TREML4: variants seen among roughly 807,000 people sequenced by gnomAD.
TREML4 encodes the protein trem-like transcript 4 protein.
TREML4 carries 25 observed loss-of-function variants against 25.4 expected under a neutral mutation model. That is an observed-to-expected ratio of 0.98 (90% CI 0.72 to 1.37). The LOEUF (loss-of-function observed/expected upper bound fraction) is 1.37. Among genes scored for constraint, TREML4 ranks in the 40% most tolerant of loss-of-function variants. TREML4 has a pLI of 0.00. For synonymous variants in TREML4, 92 were observed against 87.9 expected, an observed-to-expected ratio of 1.05 and a Z score of -0.26; for missense variants, 268 against 236.5, an observed-to-expected ratio of 1.13 and a Z score of -0.87.
chr6:41,231,045 A>G, intron 4 of TREML4: 1 of 397,338 alleles, frequency 2.5e-6, no homozygotes, highest in Non-Finnish European at 5.1e-6. Context: ...TTGAATGGCT[A>G]ATGATCTGTC....
chr6:41,234,611 T>A lies in TREML4; in HGVS notation c.507-1875T>A, dbSNP rs79266196. On this transcript the variant is annotated intron_variant, in intron 4 of 5. Transcript: ENST00000341495. Reference sequence around the variant, plus strand: ...TAAAATAAATAAATCCTGAATAAAATCTTGTTGTTTTAAATCCTAGAAGCA... The same window carrying A: ...TAAAATAAATAAATCCTGAATAAAAACTTGTTGTTTTAAATCCTAGAAGCA... Among the ~76,000 whole-genome samples, 1,314 of 151,928 alleles carry A rather than the reference T, an allele frequency of 8.6e-3. 5 individuals carry two copies. Among genetic ancestry groups the A allele is most frequent in the Non-Finnish European group, 0.014 (980 of 67,880 alleles).
intron 4 of TREML4, among the ~76,000 whole-genome samples, chr6:41,233,440 T>C (rs1002652438): frequency 6.6e-6 from 1 of 152,208 alleles, no homozygotes; most frequent in African/African-American, 2.4e-5. Context: ...TCTGGCACTC[T>C]TAATATGGAA....
chr6:41,237,770 C>T lies in TREML4; in HGVS notation c.*751C>T, dbSNP rs1766931610. On this transcript the variant is annotated 3_prime_UTR_variant, in exon 6 of 6. Coordinates refer to ENST00000341495, the MANE Select transcript of TREML4 (RefSeq NM_198153.3). ...GAGCAGGCGACTCAGTGGCCCAAAA[C>T]AGGACCCAGAACATTCATCCGTAAA... 6.6e-6 allele frequency: 1 copy of T among 152,148 alleles called. No homozygotes were observed. The highest frequency in any genetic ancestry group is 1.5e-5 in the Non-Finnish European group (1 of 68,034). The allele number at this position is 152,148 out of a possible 1,614,324, so 9.4% of individuals were successfully genotyped here.
chr6:41,236,753 C>T (rs1766912429), intron 5 of TREML4, 136 bp downstream of exon 5: 1 of 573,826 alleles, frequency 1.7e-6, no homozygotes, highest in Non-Finnish European at 3.1e-6. Context: ...AAGTGTGTTT[C>T]CTTGCAATCT....
intron 4 of TREML4, among the ~76,000 whole-genome samples, chr6:41,230,822 A>G (rs6940349): frequency 0.88 from 133,570 of 152,180 alleles, 58,902 homozygotes; most frequent in East Asian, 0.95. Context: ...TAGGGCAGTG[A>G]TCCCCAAGCC....
chr6:41,235,980 G>A (rs900092043), intron 4 of TREML4, among the ~76,000 whole-genome samples: 1 of 151,960 alleles, frequency 6.6e-6, no homozygotes. Context: ...AGGCAGGCCA[G>A]GAGTGGGGGC....
intron 2 of TREML4, among the ~76,000 whole-genome samples, 171 bp from the exon 3 acceptor site, chr6:41,229,346 ACACT>A (rs1443506223): frequency 1.3e-5 from 2 of 152,020 alleles, no homozygotes; most frequent in Admixed American, 6.6e-5. Context: ...TTTCACACAC[ACACT>A]AACACACACA....
intron 3 of TREML4, 119 bp from the exon 4 acceptor site, chr6:41,229,943 G>C (rs2113937608): frequency 1.2e-6 from 1 of 846,422 alleles, no homozygotes; most frequent in Non-Finnish European, 2.0e-6. Flanking sequence ...CCCTTAGCCT[G>C]AGGGACCCTT....
chr6:41,236,368 A>G (rs1582119321), intron 4 of TREML4, 118 bp from the exon 5 acceptor site: 13 of 757,196 alleles, frequency 1.7e-5, no homozygotes, highest in Non-Finnish European at 2.3e-6. Context: ...GTCATCGTTC[A>G]GGGTGGGCCC....
At position 41,228,775 on chromosome 6, in the gene TREML4, A is replaced by G; in HGVS notation, c.125A>G (p.Tyr42Cys). 6.2e-7 allele frequency: 1 copy of G among 1,614,088 alleles called. No homozygotes were observed. Among genetic ancestry groups the G allele is most frequent in the South Asian group, 1.1e-5 (1 of 91,084 alleles). ...CAGACCCTCCTCCTGCAATGCCAGT[A>G]CTCACCCAAGAGAGGGCCCTATCAG... ...PGQTLLLQCQ[Y>C]SPKRGPYQPK... Residue 42 changes from tyrosine (Y) to cysteine (C), a missense_variant, in exon 2 of 6, where the codon TAC (tyrosine) becomes TGC (cysteine). Physicochemically the swap from Tyr to Cys is radical, Grantham distance 194. Transcript: ENST00000341495.
intron 4 of TREML4, among the ~76,000 whole-genome samples, chr6:41,233,666 C>T (rs1465368481): frequency 6.6e-6 from 1 of 152,008 alleles, no homozygotes; most frequent in East Asian, 1.9e-4. Context: ...TGGAGGTTCA[C>T]ATACCTCTCA....
intron 4 of TREML4, 40 bp from the exon 5 acceptor site, chr6:41,236,446 C>T (rs1388932063): frequency 1.3e-6 from 2 of 1,587,782 alleles, no homozygotes; most frequent in South Asian, 1.1e-5. Flanking sequence ...TGGTGACATC[C>T]TGGCCCAAGT....
chr6:41,232,140 G>A (rs182621922), intron 4 of TREML4, among the ~76,000 whole-genome samples: 22 of 152,302 alleles, frequency 1.4e-4, no homozygotes, highest in Admixed American at 1.3e-3. Flanking sequence ...TGTATCCAGT[G>A]TTTTGTATTC....
At chr6:41,229,072 C>A (rs1352772277) in intron 2 of TREML4, 28 bp downstream of exon 2, 1 of 1,576,576 alleles carries the variant, frequency 6.3e-7, no homozygotes, top group East Asian at 2.2e-5. Flanking sequence ...GGAAATACCT[C>A]TGTGCCACCC....
intron 4 of TREML4, 39 bp from the exon 5 acceptor site, chr6:41,236,447 T>C: frequency 1.3e-6 from 2 of 1,589,830 alleles, no homozygotes; most frequent in Non-Finnish European, 1.7e-6. Context: ...GGTGACATCC[T>C]GGCCCAAGTC....
At chr6:41,235,991 T>C (rs1766888813) in intron 4 of TREML4, among the ~76,000 whole-genome samples, 1 of 151,722 alleles carries the variant, frequency 6.6e-6, no homozygotes, top group Admixed American at 6.6e-5. Flanking sequence ...GAGTGGGGGC[T>C]ACACAGAGGG....
chr6:41,228,423 C>A lies in TREML4; in HGVS notation c.-5C>A. 2 of 1,608,562 alleles carry A rather than the reference C, an allele frequency of 1.2e-6. No individual in the cohort carries two copies. Among genetic ancestry groups the A allele is most frequent in the Non-Finnish European group, 8.5e-7 (1 of 1,177,518 alleles). ...CTCCGCTGTCAGAAACAGATCTGGG[C>A]TGGAATGGCCTGGGGTGGGGTCCAC... is the stretch of plus-strand genomic sequence containing the variant. On this transcript the variant is annotated 5_prime_UTR_variant, in exon 1 of 6. The change creates a new upstream start codon in the 5' untranslated region. Transcript: ENST00000341495.
chr6:41,228,874 C>A lies in TREML4; in HGVS notation c.224C>A (p.Ala75Glu). 1 of 1,614,186 alleles carries A rather than the reference C, an allele frequency of 6.2e-7. No homozygotes were observed. Among genetic ancestry groups the A allele is most frequent in the East Asian group, 2.2e-5 (1 of 44,884 alleles). ...LLVTSSKPWTAVQKSHYTIWD... is the reference protein window; with the variant it reads ...LLVTSSKPWTEVQKSHYTIWD... ...GTCACCAGCTCCAAGCCCTGGACAGCAGTTCAGAAGTCTCATTACACAATC... is the reference window on the plus strand; with the variant it reads ...GTCACCAGCTCCAAGCCCTGGACAGAAGTTCAGAAGTCTCATTACACAATC... The change falls in exon 2 of 6, where the codon GCA becomes GAA. Residue 75 changes from alanine to glutamate, a missense_variant. Transcript: ENST00000341495.
chr6:41,234,002 T>C (rs565379694), intron 4 of TREML4, among the ~76,000 whole-genome samples: 1 of 151,862 alleles, frequency 6.6e-6, no homozygotes, highest in East Asian at 1.9e-4. Context: ...CACATATATA[T>C]GTTTATAACC....
Sources: gnomAD v4.1 joint callset for allele counts (sites outside exome capture counted in the v4.1 genomes callset) on GRCh38, gnomAD v4.1.1 for gene constraint, MANE v1.5 for transcripts, NCBI Gene and HGNC (gene_info 2026-07-23, HGNC 2026-07-21) for gene names.